The following PAM variants were observed in gnomAD, a reference collection of about 807,000 sequenced individuals.
PAM encodes the protein peptidyl-glycine alpha-amidating monooxygenase.
In PAM, 72 loss-of-function variants were observed where a neutral mutation model predicts 122.1. That is an observed-to-expected ratio of 0.59 (90% confidence interval 0.49 to 0.72). The LOEUF is 0.72. PAM is among the 30% of genes least tolerant of loss of function. The probability of loss-of-function intolerance (pLI) is 0.00; values close to 1 mark genes in which losing one functional copy is unlikely to be tolerated. For synonymous variants in PAM, 389 were observed against 404.4 expected (o/e 0.96, Z 0.46); for missense variants, 1,106 against 1,183.7 (o/e 0.93, Z 0.96).
At chr5:102,793,480 T>C (rs145641627) in intron 1 of PAM, among the ~76,000 whole-genome samples, 2 of 152,258 alleles carry the variant, frequency 1.3e-5, no homozygotes, top group East Asian at 1.9e-4. Flanking sequence ...GCAGTGAGCC[T>C]GATCGCACCA....
chr5:102,971,627 A>G (rs1196876523), intron 14 of PAM, among the ~76,000 whole-genome samples: 1 of 152,198 alleles, frequency 6.6e-6, no homozygotes, highest in Non-Finnish European at 1.5e-5. Context: ...TAGAGTTGAT[A>G]TTCAAGGAAA....
intron 12 of PAM, among the ~76,000 whole-genome samples, chr5:102,952,897 C>T (rs1046097913): frequency 6.6e-6 from 1 of 152,120 alleles, no homozygotes; most frequent in African/African-American, 2.4e-5. Context: ...TACAAACACA[C>T]ATTCCCACAG....
At chr5:102,879,129 A>G (rs1014958707) in intron 3 of PAM, among the ~76,000 whole-genome samples, 1 of 151,972 alleles carries the variant, frequency 6.6e-6, no homozygotes, top group African/African-American at 2.4e-5. Flanking sequence ...ACGGGGTTTC[A>G]CCATGTTAGC....
chr5:102,859,495 C>G lies in PAM; in HGVS notation c.-373-6328C>G, dbSNP rs866355492. On this transcript the variant is annotated intron_variant, in intron 1 of 25. Coordinates refer to ENST00000438793, the MANE Select transcript of PAM (RefSeq NM_001177306.2). Reference sequence around the variant, plus strand: ...TTGTACAATGCATTTGTTTTTTAAGCTAAATGTTATTGCAAAGGAGTTAAA... The same window carrying G: ...TTGTACAATGCATTTGTTTTTTAAGGTAAATGTTATTGCAAAGGAGTTAAA... 1.4e-4 allele frequency among the ~76,000 whole-genome samples: 21 copies of G among 151,608 alleles called. 1 individual carries two copies. Among genetic ancestry groups the G allele is most frequent in the Middle Eastern group, 6.8e-3 (2 of 294 alleles).
intron 1 of PAM, among the ~76,000 whole-genome samples, chr5:102,762,372 G>A (rs1016778532): frequency 6.6e-6 from 1 of 152,170 alleles, no homozygotes; most frequent in African/African-American, 2.4e-5. Flanking sequence ...CTCAGGCAGG[G>A]TGTGGTAAGT....
rs531539621 is a variant in PAM at position 102,904,444 on chromosome 5, A to T, written c.268+3031A>T. 7.0e-4 allele frequency among the ~76,000 whole-genome samples: 106 copies of T among 151,648 alleles called. No homozygotes were observed. The South Asian group carries it at 0.021, about 31-fold the overall frequency. ...ATGCGCGAGTGAATACTAAATAAGGATTTTGGCCGTTTTCTGACTCAGCAT... is the reference window on the plus strand; with the variant it reads ...ATGCGCGAGTGAATACTAAATAAGGTTTTTGGCCGTTTTCTGACTCAGCAT... On this transcript the variant is annotated intron_variant, in intron 4 of 25. Coordinates refer to ENST00000438793, the MANE Select transcript of PAM (RefSeq NM_001177306.2).
At chr5:103,011,748 A>G (rs62362545) in intron 21 of PAM, among the ~76,000 whole-genome samples, 37,968 of 152,062 alleles carry the variant, frequency 0.25, 5,257 homozygotes, top group East Asian at 0.44. Flanking sequence ...GCTCTTTGAT[A>G]TACTAATTTC....
intron 1 of PAM, among the ~76,000 whole-genome samples, chr5:102,790,318 T>C (rs921530813): frequency 6.6e-6 from 1 of 152,092 alleles, no homozygotes; most frequent in African/African-American, 2.4e-5. Flanking sequence ...AGTAACTTTA[T>C]CTGAGGATGG....
At chr5:102,945,857 CA>C (rs1756871255) in intron 7 of PAM, among the ~76,000 whole-genome samples, 1 of 152,052 alleles carries the variant, frequency 6.6e-6, no homozygotes, top group Non-Finnish European at 1.5e-5. Flanking sequence ...TTTTAACTGT[CA>C]AATGCTTTTA....
chr5:102,878,416 TAATG>T (rs1323463645), intron 3 of PAM, among the ~76,000 whole-genome samples: 1 of 152,184 alleles, frequency 6.6e-6, no homozygotes. Context: ...TAATACTTGA[TAATG>T]AACGACTATG....
chr5:102,982,236 A>C (rs567730549), intron 15 of PAM, among the ~76,000 whole-genome samples: 45 of 152,316 alleles, frequency 3.0e-4, no homozygotes, highest in African/African-American at 1.1e-3. Context: ...TGCATGAGCC[A>C]CAGGGGGGCC....
At chr5:102,878,581 G>A (rs922882948) in intron 3 of PAM, among the ~76,000 whole-genome samples, 1 of 152,144 alleles carries the variant, frequency 6.6e-6, no homozygotes, top group Non-Finnish European at 1.5e-5. Context: ...TGTTGTAGGA[G>A]GTGACAGCTC....
chr5:102,952,456 T>C (rs1759259807), intron 12 of PAM, among the ~76,000 whole-genome samples: 3 of 151,982 alleles, frequency 2.0e-5, no homozygotes, highest in Admixed American at 2.0e-4. Flanking sequence ...AAATCTCATG[T>C]GGGCTAAAGG....
chr5:102,984,176 A>G lies in PAM; in HGVS notation c.1484-6096A>G, dbSNP rs115026076. Among the ~76,000 whole-genome samples the G allele has an allele frequency of 6.7e-3, 1,015 of 152,238 alleles. 8 individuals are homozygous for G. The highest frequency in any genetic ancestry group is 0.012 in the Non-Finnish European group (844 of 68,004). On this transcript the variant is annotated intron_variant, in intron 15 of 25. Coordinates refer to ENST00000438793, the MANE Select transcript of PAM (RefSeq NM_001177306.2). ...AATGATAAACAATAGGAAAGAAAGG[A>G]AAAAAAGGCTATACAAAACAACCAG... is the stretch of plus-strand genomic sequence containing the variant.
intron 4 of PAM, among the ~76,000 whole-genome samples, chr5:102,908,160 G>C (rs1340039190): frequency 1.3e-5 from 2 of 152,064 alleles, no homozygotes; most frequent in African/African-American, 2.4e-5. Context: ...TAAGGTGTAA[G>C]GAAGGGATCC....
chr5:102,914,050 G>A lies in PAM; in HGVS notation c.356+29G>A, dbSNP rs202116827. 55 of 1,221,868 alleles carry A rather than the reference G, an allele frequency of 4.5e-5. No individual in the cohort carries two copies. The East Asian group carries it at 1.2e-3, about 27-fold the overall frequency. 75.7% of individuals were successfully genotyped at this position (1,221,868 alleles called of 1,614,324 possible). On this transcript the variant is annotated intron_variant, in intron 5 of 25. Transcript: ENST00000438793. ...AGGATAATGGGTTTACAGTATAGAA[G>A]GGTGTAGAAAATGTGTTTTACAAGT...
At chr5:102,854,572 G>A (rs1408280852) in intron 1 of PAM, among the ~76,000 whole-genome samples, 1 of 152,086 alleles carries the variant, frequency 6.6e-6, no homozygotes, top group South Asian at 2.1e-4. Flanking sequence ...TGTGTCTTAG[G>A]CCTGGAGGAT....
At chr5:102,871,649 G>A (rs1431802427) in intron 3 of PAM, among the ~76,000 whole-genome samples, 1 of 148,144 alleles carries the variant, frequency 6.8e-6, no homozygotes, top group African/African-American at 2.5e-5. Context: ...TGGAGGAGAA[G>A]TTATTAAAAG....
chr5:102,756,778 AGCTTTAG>A (rs1750487103), intron 1 of PAM, among the ~76,000 whole-genome samples: 1 of 152,048 alleles, frequency 6.6e-6, no homozygotes, highest in South Asian at 2.1e-4. Context: ...ATAAATAATC[AGCTTTAG>A]AATTGATATT....
Sources: gnomAD v4.1 joint callset for allele counts (sites outside exome capture counted in the v4.1 genomes callset) on GRCh38, gnomAD v4.1.1 for gene constraint, MANE v1.5 for transcripts, NCBI Gene and HGNC (gene_info 2026-07-23, HGNC 2026-07-21) for gene names.